TEAD1: variants seen among roughly 807,000 people sequenced by gnomAD.
The protein encoded by TEAD1 is TEA domain transcription factor 1, also known as transcriptional enhancer factor TEF-1.
TEAD1 carries 9 observed loss-of-function variants against 54.9 expected under a neutral mutation model. The observed-to-expected ratio is 0.16, with a 90% confidence interval of 0.10 to 0.29. The LOEUF (loss-of-function observed/expected upper bound fraction) is 0.29, where lower values mean the gene tolerates loss of function less well. TEAD1 is among the 10% of genes least tolerant of loss of function. TEAD1 has a pLI of 1.00. For synonymous variants in TEAD1, 200 were observed against 187.8 expected, an observed-to-expected ratio of 1.07 and a Z score of -0.53; for missense variants, 387 against 535.9, an observed-to-expected ratio of 0.72 and a Z score of 2.74.
intron 2 of TEAD1, among the ~76,000 whole-genome samples, chr11:12,719,582 G>A (rs1006304253): frequency 1.4e-5 from 2 of 143,648 alleles, no homozygotes; most frequent in Admixed American, 6.9e-5. Context: ...TTTGGGGGGA[G>A]GGGGGGCGGG....
At chr11:12,771,495 A>T (rs1945310598) in intron 3 of TEAD1, among the ~76,000 whole-genome samples, 1 of 152,170 alleles carries the variant, frequency 6.6e-6, no homozygotes, top group African/African-American at 2.4e-5. Context: ...TGTGAAAAAG[A>T]AGGAGTTTGA....
At chr11:12,742,763 C>A (rs1944672424) in intron 2 of TEAD1, among the ~76,000 whole-genome samples, 1 of 152,198 alleles carries the variant, frequency 6.6e-6, no homozygotes, top group South Asian at 2.1e-4. Context: ...CTACTCCTCA[C>A]ATAGTGTCAA....
In TEAD1 at chr11:12,938,003, A is replaced by G. The variant is rs1949125834; in HGVS notation, c.*781A>G. On this transcript the variant is annotated 3_prime_UTR_variant, in exon 13 of 13. Transcript: ENST00000527636. ...GTATATTTAAAAAATATAAAATTGT[A>G]TTGTACTAATGTGATGATGGATTAT... The G allele has an allele frequency of 6.6e-6, 1 of 152,482 alleles. No individual in the cohort carries two copies. The allele number at this position is 152,482 out of a possible 1,614,324, so 9.4% of individuals were successfully genotyped here. A position where few individuals can be genotyped will look rare whatever the true frequency, so the allele number is the denominator to read the frequency against.
At chr11:12,795,831 G>C (rs1352523373) in intron 3 of TEAD1, among the ~76,000 whole-genome samples, 3 of 152,150 alleles carry the variant, frequency 2.0e-5, no homozygotes, top group Admixed American at 6.5e-5. Flanking sequence ...ATATTAGATT[G>C]CTTGAGAACA....
intron 2 of TEAD1, among the ~76,000 whole-genome samples, chr11:12,678,775 G>A (rs565730102): frequency 6.6e-5 from 10 of 152,138 alleles, no homozygotes; most frequent in Non-Finnish European, 1.0e-4. Flanking sequence ...GAACTCTTGA[G>A]TGTCCTCAAT....
At chr11:12,789,301 A>G (rs761230038) in intron 3 of TEAD1, among the ~76,000 whole-genome samples, 1 of 152,218 alleles carries the variant, frequency 6.6e-6, no homozygotes. Flanking sequence ...TACCTGACAC[A>G]TAAGCTCTCA....
rs745753913 is a variant in TEAD1, at chr11:12,879,773, G to A, written c.396G>A (p.Ser132=). The change falls in exon 6 of 13, where the codon TCG becomes TCA. Residue 132 remains serine (S), a synonymous_variant. Coordinates refer to ENST00000527636, the MANE Select transcript of TEAD1 (RefSeq NM_021961.6). ...CCATGTCCTCAGCCCAGATCGTCTC[G>A]GCCACTGCCATTCATAACAAGCTGG... 1.1e-5 allele frequency: 18 copies of A among 1,614,016 alleles called. No individual in the cohort carries two copies. The highest frequency in any genetic ancestry group is 2.2e-5 in the South Asian group (2 of 91,086).
chr11:12,834,050 T>C (rs1227397296), intron 3 of TEAD1, among the ~76,000 whole-genome samples: 1 of 152,224 alleles, frequency 6.6e-6, no homozygotes, highest in East Asian at 1.9e-4. Flanking sequence ...GAATTTAAGA[T>C]TTGAATCCGA....
chr11:12,845,249 A>C (rs1277182254), intron 3 of TEAD1, among the ~76,000 whole-genome samples: 1 of 152,134 alleles, frequency 6.6e-6, no homozygotes, highest in African/African-American at 2.4e-5. Flanking sequence ...GGCATGAGCC[A>C]CTGTGCCGGG....
At position 12,814,775 on chromosome 11, in the gene TEAD1, CTCTGTGTGTGTGTGTGTGTG is replaced by C. The variant is rs1327743220; in HGVS notation, c.203-47473_203-47454del. On this transcript the variant is annotated intron_variant, in intron 3 of 12. Transcript: ENST00000527636. ...CCAGCCACCCCTGACCATCGCAGAG[CTCTGTGTGTGTGTGTGTGTG>C]TGTGTGTGTGTGTGTGTGTGTGTGT... Among the ~76,000 whole-genome samples, 934 of 142,232 alleles carry C rather than the reference CTCTGTGTGTGTGTGTGTGTG, an allele frequency of 6.6e-3. 26 individuals are homozygous for C. Among genetic ancestry groups the C allele is most frequent in the South Asian group, 0.043 (185 of 4,282 alleles). The allele number at this position is 142,232 out of a possible 152,430, so 93.3% of individuals were successfully genotyped here.
chr11:12,826,503 AG>A (rs1946659373), intron 3 of TEAD1, among the ~76,000 whole-genome samples: 2 of 152,178 alleles, frequency 1.3e-5, no homozygotes. Flanking sequence ...TGAACAGCAG[AG>A]TGGGAAATAG....
intron 5 of TEAD1, among the ~76,000 whole-genome samples, chr11:12,867,633 A>G (rs1402262787): frequency 6.6e-6 from 1 of 152,196 alleles, no homozygotes; most frequent in East Asian, 1.9e-4. Flanking sequence ...TCCCAGCTCC[A>G]TCCATACCCC....
chr11:12,745,461 T>G (rs1418301261), intron 2 of TEAD1, among the ~76,000 whole-genome samples: 2 of 152,128 alleles, frequency 1.3e-5, no homozygotes, highest in Non-Finnish European at 2.9e-5. Context: ...TCTATGAAAT[T>G]TTTGATCAAT....
At chr11:12,823,970 G>T (rs1465565022) in intron 3 of TEAD1, among the ~76,000 whole-genome samples, 2 of 152,040 alleles carry the variant, frequency 1.3e-5, no homozygotes, top group Non-Finnish European at 2.9e-5. Flanking sequence ...TTCTAATTTT[G>T]GGGGAGACTA....
At chr11:12,789,142 G>T (rs958222079) in intron 3 of TEAD1, among the ~76,000 whole-genome samples, 1 of 152,184 alleles carries the variant, frequency 6.6e-6, no homozygotes. Context: ...AAAAGTACAT[G>T]CACTTGAGGG....
intron 3 of TEAD1, among the ~76,000 whole-genome samples, chr11:12,768,049 T>C (rs558924991): frequency 6.6e-6 from 1 of 152,262 alleles, no homozygotes; most frequent in African/African-American, 2.4e-5. Flanking sequence ...ATTTGTTACT[T>C]TTGCAACTGA....
intron 2 of TEAD1, among the ~76,000 whole-genome samples, chr11:12,680,493 G>A (rs4408295): frequency 0.049 from 7,458 of 152,158 alleles, 745 homozygotes; most frequent in East Asian, 0.45. Flanking sequence ...AGGCCCGCCC[G>A]CCCGAGCCTG....
Position 12,902,008 on chromosome 11 carries a change from A to G in TEAD1, c.768A>G (p.Ser256=), listed in dbSNP as rs1186184749. 6.2e-7 allele frequency: 1 copy of G among 1,614,260 alleles called. No homozygotes were observed. Among genetic ancestry groups the G allele is most frequent in the Non-Finnish European group, 8.5e-7 (1 of 1,180,046 alleles). Reference sequence around the variant, plus strand: ...CTTACAGTGACCCATTGCTTGAATCAGTGGACATTCGTCAGATTTATGACA... The same window carrying G: ...CTTACAGTGACCCATTGCTTGAATCGGTGGACATTCGTCAGATTTATGACA... The change falls in exon 10 of 13, where the codon TCA becomes TCG. Residue 256 remains serine (S), a synonymous_variant. Transcript: ENST00000527636.
At chr11:12,845,604 G>A (rs1564961386) in intron 3 of TEAD1, among the ~76,000 whole-genome samples, 1 of 152,184 alleles carries the variant, frequency 6.6e-6, no homozygotes, top group Non-Finnish European at 1.5e-5. Context: ...CACAGCCAGT[G>A]GATTTGTGAA....
Sources: gnomAD v4.1 joint callset for allele counts (sites outside exome capture counted in the v4.1 genomes callset) on GRCh38, gnomAD v4.1.1 for gene constraint, MANE v1.5 for transcripts, NCBI Gene and HGNC (gene_info 2026-07-23, HGNC 2026-07-21) for gene names.